The following SLC16A7 variants were observed in gnomAD, a reference collection of about 807,000 sequenced individuals.
SLC16A7 encodes monocarboxylate transporter 2.
In SLC16A7, 33 loss-of-function variants were observed where a neutral mutation model predicts 34.9. The observed-to-expected ratio is 0.94, with a 90% confidence interval of 0.72 to 1.26. The LOEUF is 1.26. Ranked by LOEUF, SLC16A7 falls within the 50% of genes most tolerant of loss-of-function variation. The pLI is 0.00. For missense variants in SLC16A7, 573 were observed against 578.1 expected (o/e 0.99, Z 0.09); for synonymous variants, 201 against 206.6 (o/e 0.97, Z 0.23).
intron 5 of SLC16A7, among the ~76,000 whole-genome samples, chr12:59,777,707 G>A (rs951549129): frequency 1.3e-5 from 2 of 151,402 alleles, no homozygotes; most frequent in African/African-American, 4.9e-5. Context: ...CAATGTGCAG[G>A]TTAGTTACAT....
chr12:59,756,094 A>G (rs1880305410), intron 3 of SLC16A7, among the ~76,000 whole-genome samples: 1 of 152,248 alleles, frequency 6.6e-6, no homozygotes, highest in South Asian at 2.1e-4. Flanking sequence ...TACACCTTAT[A>G]CAAAAATTAA....
intron 3 of SLC16A7, among the ~76,000 whole-genome samples, chr12:59,751,614 G>T (rs1879573191): frequency 6.6e-6 from 1 of 152,226 alleles, no homozygotes; most frequent in Non-Finnish European, 1.5e-5. Context: ...CTCCAACTGG[G>T]TGGAGCCCAC....
intron 2 of SLC16A7, among the ~76,000 whole-genome samples, chr12:59,698,153 A>T (rs908067894): frequency 6.6e-6 from 1 of 151,888 alleles, no homozygotes; most frequent in East Asian, 1.9e-4. Context: ...AAAAGTACTT[A>T]TTACAATAGC....
chr12:59,695,945 T>C (rs1293737583), intron 2 of SLC16A7, among the ~76,000 whole-genome samples: 1 of 152,062 alleles, frequency 6.6e-6, no homozygotes, highest in Non-Finnish European at 1.5e-5. Flanking sequence ...TAAAACCCAG[T>C]CTGTCTTATT....
chr12:59,699,497 T>G (rs1290680689), intron 2 of SLC16A7, among the ~76,000 whole-genome samples: 1 of 151,746 alleles, frequency 6.6e-6, no homozygotes, highest in Non-Finnish European at 1.5e-5. Context: ...GGTTTCAGTG[T>G]AAATTTCTAC....
At chr12:59,696,239 T>A (rs534073557) in intron 2 of SLC16A7, among the ~76,000 whole-genome samples, 1 of 152,020 alleles carries the variant, frequency 6.6e-6, no homozygotes, top group African/African-American at 2.4e-5. Flanking sequence ...TTTAGTCATA[T>A]CTTAGTTCTA....
At chr12:59,727,491 T>C (rs530814879) in intron 3 of SLC16A7, among the ~76,000 whole-genome samples, 71 of 152,246 alleles carry the variant, frequency 4.7e-4, no homozygotes, top group African/African-American at 1.7e-3. Context: ...TTCAGGTCTT[T>C]AGTAGAGATG....
intron 3 of SLC16A7, among the ~76,000 whole-genome samples, chr12:59,764,725 T>C (rs1354545022): frequency 1.3e-5 from 2 of 152,190 alleles, no homozygotes; most frequent in African/African-American, 4.8e-5. Context: ...CTTAATCCAG[T>C]CTATCATTGT....
At chr12:59,715,605 C>T (rs1281520351) in intron 3 of SLC16A7, among the ~76,000 whole-genome samples, 1 of 152,114 alleles carries the variant, frequency 6.6e-6, no homozygotes, top group Non-Finnish European at 1.5e-5. Context: ...CTTGTTTGAC[C>T]TCCGCTGGGA....
intron 3 of SLC16A7, among the ~76,000 whole-genome samples, chr12:59,751,037 A>C (rs889477048): frequency 6.0e-5 from 9 of 150,706 alleles, no homozygotes; most frequent in African/African-American, 2.2e-4. Context: ...CAGGGAGGGG[A>C]ACATCACACA....
At chr12:59,743,759 G>T (rs1878588360) in intron 3 of SLC16A7, among the ~76,000 whole-genome samples, 1 of 152,126 alleles carries the variant, frequency 6.6e-6, no homozygotes, top group Non-Finnish European at 1.5e-5. Context: ...TTTTGAAAAT[G>T]AGGAATTTTT....
chr12:59,754,538 C>G (rs1037142016), intron 3 of SLC16A7, among the ~76,000 whole-genome samples: 18 of 152,054 alleles, frequency 1.2e-4, no homozygotes, highest in African/African-American at 4.3e-4. Context: ...ACACGTACAC[C>G]CTCCCAAGAC....
rs542240494 is a variant in SLC16A7 at position 59,750,880 on chromosome 12, A to G, written c.218-20339A>G. Among the ~76,000 whole-genome samples the G allele has an allele frequency of 1.1e-4, 16 of 152,338 alleles. No homozygotes were observed. The South Asian group carries it at 2.3e-3, about 22-fold the overall frequency. ...ATACACCATGGAATACTATGTAGCC[A>G]TAAAAAAAGGATGAGTTCATGTCCT... On this transcript the variant is annotated intron_variant, in intron 3 of 5. Transcript: ENST00000547379.
At chr12:59,685,961 A>G (rs1173050897) in intron 2 of SLC16A7, among the ~76,000 whole-genome samples, 3 of 152,124 alleles carry the variant, frequency 2.0e-5, no homozygotes, top group African/African-American at 7.2e-5. Context: ...ATTTGAGAAT[A>G]TAATAAAATT....
intron 1 of SLC16A7, among the ~76,000 whole-genome samples, chr12:59,625,390 A>G (rs1214838498): frequency 2.0e-5 from 3 of 151,862 alleles, no homozygotes; most frequent in Non-Finnish European, 2.9e-5. Flanking sequence ...AGCCTCAATT[A>G]TAGATGGTAA....
rs1295069947 is a variant in SLC16A7, at chr12:59,788,417, C to T, written c.*8738C>T. On this transcript the variant is annotated 3_prime_UTR_variant, in exon 6 of 6. Coordinates refer to ENST00000547379, the MANE Select transcript of SLC16A7 (RefSeq NM_001270623.2). The stretch of plus-strand genomic sequence containing the variant: ...TATTCTATAGATATCTTAATGACCA[C>T]TGAACAAATGATCATATTGCCACAT... 1 of 151,964 alleles carries T rather than the reference C, an allele frequency of 6.6e-6. No homozygotes were observed. The highest frequency in any genetic ancestry group is 2.4e-5 in the African/African-American group (1 of 41,414). The allele number at this position is 151,964 out of a possible 1,614,324, so 9.4% of individuals were successfully genotyped here.
chr12:59,666,251 C>G (rs1288537837), intron 2 of SLC16A7, among the ~76,000 whole-genome samples: 1 of 151,992 alleles, frequency 6.6e-6, no homozygotes, highest in Admixed American at 6.6e-5. Context: ...ATATTTTATT[C>G]CTTAATTCAT....
At chr12:59,665,288 A>C (rs1007521185) in intron 2 of SLC16A7, among the ~76,000 whole-genome samples, 2 of 152,038 alleles carry the variant, frequency 1.3e-5, no homozygotes, top group African/African-American at 4.8e-5. Context: ...GCTAGTAAGG[A>C]AAATTAAAAA....
At position 59,690,986 on chromosome 12, in the gene SLC16A7, C is replaced by T. The variant is rs559001042; in HGVS notation, c.-30-13786C>T. On this transcript the variant is annotated intron_variant, in intron 2 of 5. Coordinates refer to ENST00000547379, the MANE Select transcript of SLC16A7 (RefSeq NM_001270623.2). ...ATATGAACAGAAGTACAACTCACAA[C>T]CAAGTAAACATGTAAGGAAATATAT... Among the ~76,000 whole-genome samples the T allele has an allele frequency of 1.4e-3, 211 of 151,852 alleles. 1 individual carries two copies. The highest frequency in any genetic ancestry group is 6.8e-3 in the Middle Eastern group (2 of 292).
Sources: allele counts gnomAD v4.1 joint callset (sites outside exome capture counted in the v4.1 genomes callset), GRCh38; gene constraint gnomAD v4.1.1; transcripts MANE v1.5; gene names NCBI Gene and HGNC (gene_info 2026-07-23, HGNC 2026-07-21).